The following ROBO1 variants were observed in gnomAD, a reference collection of about 807,000 sequenced individuals.
ROBO1 encodes the protein roundabout homolog 1.
ROBO1 carries 149 observed loss-of-function variants against 195.9 expected under a neutral mutation model. The ratio of observed to expected loss-of-function variants is 0.76; its 90% confidence interval spans 0.67 to 0.87. The LOEUF is 0.87. Ranked by LOEUF, ROBO1 falls within the 40% of genes least tolerant of loss-of-function variation. ROBO1 has a pLI of 0.00. For synonymous variants in ROBO1, 816 were observed against 733.2 expected, an observed-to-expected ratio of 1.11 and a Z score of -1.82; for missense variants, 1,933 against 2,068.3, an observed-to-expected ratio of 0.93 and a Z score of 1.27.
intron 4 of ROBO1, among the ~76,000 whole-genome samples, chr3:78,766,997 A>C (rs959628558): frequency 1.3e-5 from 2 of 152,142 alleles, no homozygotes; most frequent in African/African-American, 4.8e-5. Context: ...TATCTGTCGG[A>C]CATGTTGTTG....
intron 2 of ROBO1, among the ~76,000 whole-genome samples, chr3:79,513,337 T>C (rs925721376): frequency 6.6e-6 from 1 of 152,078 alleles, no homozygotes; most frequent in Non-Finnish European, 1.5e-5. Context: ...TAGAAGTATG[T>C]TAATATATTT....
chr3:79,702,800 G>C (rs527420064), intron 1 of ROBO1, among the ~76,000 whole-genome samples: 16 of 152,046 alleles, frequency 1.1e-4, no homozygotes, highest in Admixed American at 9.9e-4. Context: ...TGAATTACCT[G>C]TCAGCATCCA....
chr3:79,025,684 G>A (rs2078191044), intron 3 of ROBO1, among the ~76,000 whole-genome samples: 1 of 152,106 alleles, frequency 6.6e-6, no homozygotes, highest in African/African-American at 2.4e-5. Flanking sequence ...TGTTTCAGGG[G>A]ACTTTAATAA....
At position 78,598,198 on chromosome 3, in the gene ROBO1, A is replaced by T. The variant is rs1702951877; in HGVS notation, c.*715T>A. On this transcript the variant is annotated 3_prime_UTR_variant, in exon 31 of 31. Transcript: ENST00000464233. ...TTTACTAGGTTTACTTATGACAATG[A>T]CTAGACAACCAGAGATCCAACTGGC... 1.3e-5 allele frequency: 2 copies of T among 152,480 alleles called. No homozygotes were observed. The highest frequency in any genetic ancestry group is 4.8e-5 in the African/African-American group (2 of 41,466). The allele number at this position is 152,480 out of a possible 1,614,324, so 9.4% of individuals were successfully genotyped here.
intron 1 of ROBO1, among the ~76,000 whole-genome samples, chr3:79,698,084 C>T (rs987340096): frequency 2.0e-5 from 3 of 151,422 alleles, no homozygotes; most frequent in Non-Finnish European, 4.4e-5. Context: ...AATTTCCATA[C>T]ATTAGGAGAT....
At chr3:79,094,021 C>T (rs2079523175) in intron 3 of ROBO1, among the ~76,000 whole-genome samples, 1 of 152,006 alleles carries the variant, frequency 6.6e-6, no homozygotes, top group Non-Finnish European at 1.5e-5. Flanking sequence ...GCTTCAAGGG[C>T]ACCATATGTG....
intron 1 of ROBO1, among the ~76,000 whole-genome samples, chr3:79,744,300 T>C (rs1703777230): frequency 6.6e-6 from 1 of 152,192 alleles, no homozygotes; most frequent in Non-Finnish European, 1.5e-5. Flanking sequence ...CATGACTGTA[T>C]ATAAATATGT....
chr3:79,001,812 C>T (rs974900695), intron 3 of ROBO1, among the ~76,000 whole-genome samples: 1 of 152,020 alleles, frequency 6.6e-6, no homozygotes, highest in African/African-American at 2.4e-5. Flanking sequence ...TCACTGTGAG[C>T]TCTTTACTAT....
intron 4 of ROBO1, among the ~76,000 whole-genome samples, chr3:78,781,995 C>T (rs969599217): frequency 1.4e-4 from 22 of 152,084 alleles, no homozygotes; most frequent in Admixed American, 2.6e-4. Context: ...TTATCTTTCA[C>T]TGCAACTGTT....
chr3:79,638,313 T>C (rs557953679), intron 1 of ROBO1, among the ~76,000 whole-genome samples: 60 of 152,380 alleles, frequency 3.9e-4, no homozygotes, highest in Non-Finnish European at 7.8e-4. Context: ...GATTCTAATT[T>C]ATTTAGCAGA....
At chr3:78,972,573 T>C (rs1056330735) in intron 3 of ROBO1, among the ~76,000 whole-genome samples, 8 of 152,222 alleles carry the variant, frequency 5.3e-5, no homozygotes, top group Non-Finnish European at 1.2e-4. Flanking sequence ...GCATTCCTAA[T>C]TCCATTCATG....
Position 79,627,878 on chromosome 3 carries a change from C to A in ROBO1, c.-50-37917G>T, listed in dbSNP as rs568739601. 1.6e-4 allele frequency among the ~76,000 whole-genome samples: 24 copies of A among 152,130 alleles called. No individual in the cohort carries two copies. In the South Asian group the frequency reaches 4.2e-3, roughly 26 times the overall value. ...TCTCAAAAGACATTTACGTGGCCAA[C>A]AAACATATGAAAAAAAGTTCAACAT... On this transcript the variant is annotated intron_variant, in intron 1 of 30. Transcript: ENST00000464233.
intron 1 of ROBO1, among the ~76,000 whole-genome samples, chr3:79,663,708 C>A (rs1388752145): frequency 1.3e-5 from 2 of 152,026 alleles, no homozygotes; most frequent in Admixed American, 1.3e-4. Flanking sequence ...ACTTGTATCT[C>A]TAGAGCACTT....
intron 1 of ROBO1, among the ~76,000 whole-genome samples, chr3:79,685,374 T>A (rs934010960): frequency 6.6e-6 from 1 of 152,168 alleles, no homozygotes; most frequent in African/African-American, 2.4e-5. Flanking sequence ...AAATTTGTTC[T>A]GAGTTCAGGA....
chr3:79,735,354 A>G (rs1703333879), intron 1 of ROBO1, among the ~76,000 whole-genome samples: 1 of 152,200 alleles, frequency 6.6e-6, no homozygotes, highest in Non-Finnish European at 1.5e-5. Context: ...TTTCCATGTT[A>G]CAATGCAAGC....
intron 2 of ROBO1, among the ~76,000 whole-genome samples, chr3:79,457,170 A>C (rs115959872): frequency 0.012 from 1,862 of 152,318 alleles, 46 homozygotes; most frequent in African/African-American, 0.043. Flanking sequence ...ACAATCACAG[A>C]AAATTAAAAT....
intron 1 of ROBO1, among the ~76,000 whole-genome samples, chr3:79,617,634 A>G (rs1391520629): frequency 6.6e-6 from 1 of 152,162 alleles, no homozygotes; most frequent in Admixed American, 6.5e-5. Context: ...AATCAGAGTA[A>G]GAACTCTTAC....
rs550605323 is a variant in ROBO1, at chr3:79,556,232, T to C, written c.88+33592A>G. On this transcript the variant is annotated intron_variant, in intron 2 of 30. Transcript: ENST00000464233. ...AAGTTATCACTATTTGTAAGATACA[T>C]TATTTTATGTATGCCCTTTGACAAA... is the stretch of plus-strand genomic sequence containing the variant. 4.6e-5 allele frequency among the ~76,000 whole-genome samples: 7 copies of C among 152,264 alleles called. No homozygotes were observed. In the South Asian group the frequency reaches 1.4e-3, roughly 32 times the overall value.
chr3:78,743,846 G>T (rs76201554), intron 5 of ROBO1, among the ~76,000 whole-genome samples: 11,366 of 152,042 alleles, frequency 0.075, 874 homozygotes, highest in African/African-American at 0.2. Context: ...TTCTTTAATT[G>T]TCACTCACAA....
Sources: allele counts gnomAD v4.1 joint callset (sites outside exome capture counted in the v4.1 genomes callset), GRCh38; gene constraint gnomAD v4.1.1; transcripts MANE v1.5; gene names NCBI Gene and HGNC (gene_info 2026-07-23, HGNC 2026-07-21).